CSMD3: variants seen among roughly 807,000 people sequenced by gnomAD.
The protein encoded by CSMD3 is CUB and sushi domain-containing protein 3.
Under a neutral mutation model 435.2 loss-of-function variants are expected in CSMD3, and 177 were observed. The ratio of observed to expected loss-of-function variants is 0.41; its 90% CI spans 0.36 to 0.46. The LOEUF is 0.46. CSMD3 is among the 20% of genes least tolerant of loss of function. The pLI, the probability that CSMD3 is intolerant of heterozygous loss-of-function variation, is 0.34. For synonymous variants in CSMD3, 1,656 were observed against 1,520.5 expected (o/e 1.09, Z -2.07); for missense variants, 4,265 against 4,504.6 (o/e 0.95, Z 1.52).
At chr8:113,069,649 G>A (rs928351718) in intron 5 of CSMD3, among the ~76,000 whole-genome samples, 1 of 152,050 alleles carries the variant, frequency 6.6e-6, no homozygotes, top group Non-Finnish European at 1.5e-5. Context: ...TTAGAAGAAA[G>A]ATTTCATGAG....
At chr8:113,322,418 G>C (rs1245981824) in intron 1 of CSMD3, among the ~76,000 whole-genome samples, 1 of 152,050 alleles carries the variant, frequency 6.6e-6, no homozygotes, top group Non-Finnish European at 1.5e-5. Flanking sequence ...TATAAAAAAA[G>C]ACACACTTTT....
At chr8:113,116,343 G>A (rs764245753) in intron 4 of CSMD3, among the ~76,000 whole-genome samples, 50 of 152,048 alleles carry the variant, frequency 3.3e-4, no homozygotes, top group Non-Finnish European at 7.4e-4. Context: ...TTATGCCTTC[G>A]CTCGATTCTC....
intron 5 of CSMD3, among the ~76,000 whole-genome samples, chr8:113,055,993 A>G: frequency 6.6e-6 from 1 of 152,230 alleles, no homozygotes; most frequent in Middle Eastern, 3.2e-3. Flanking sequence ...GGACACAGAA[A>G]GGACCCATGA....
chr8:112,510,909 G>C (rs1823054150), intron 28 of CSMD3, among the ~76,000 whole-genome samples: 1 of 152,166 alleles, frequency 6.6e-6, no homozygotes, highest in Non-Finnish European at 1.5e-5. Context: ...AAATAGTGAA[G>C]ATGACTGTAG....
intron 38 of CSMD3, among the ~76,000 whole-genome samples, chr8:112,359,455 AG>A (rs771319413): frequency 2.1e-4 from 32 of 152,280 alleles, no homozygotes; most frequent in Non-Finnish European, 3.8e-4. Context: ...CAGTGTCTTG[AG>A]GAGGCACTCA....
At chr8:112,460,837 C>T (rs149858125) in intron 32 of CSMD3, among the ~76,000 whole-genome samples, 142 of 152,114 alleles carry the variant, frequency 9.3e-4, no homozygotes, top group Non-Finnish European at 1.7e-3. Context: ...CAGCAAAAGC[C>T]GCTAGGTTGA....
Position 112,792,378 on chromosome 8 carries a change from T to C in CSMD3, c.1972+7784A>G, listed in dbSNP as rs538716578. ...TTCTGGCTTGCAGATGGTTCGTTTCTAGCTGTATCCACACATGGTGAAGAG... is the reference window on the plus strand; with the variant it reads ...TTCTGGCTTGCAGATGGTTCGTTTCCAGCTGTATCCACACATGGTGAAGAG... On this transcript the variant is annotated intron_variant, in intron 13 of 70. Coordinates refer to ENST00000297405, the MANE Select transcript of CSMD3 (RefSeq NM_198123.2). Among the ~76,000 whole-genome samples, 8 of 152,250 alleles carry C rather than the reference T, an allele frequency of 5.3e-5. No homozygotes were observed. In the East Asian group the frequency reaches 1.5e-3, roughly 29 times the overall value.
chr8:112,239,411 A>T (rs78376983), intron 66 of CSMD3, among the ~76,000 whole-genome samples: 4,495 of 151,918 alleles, frequency 0.03, 241 homozygotes, highest in African/African-American at 0.1. Context: ...TGGGCCTGAA[A>T]TTTTTCTCCC....
At chr8:112,791,783 T>A (rs2078699410) in intron 13 of CSMD3, among the ~76,000 whole-genome samples, 2 of 152,292 alleles carry the variant, frequency 1.3e-5, no homozygotes, top group East Asian at 1.9e-4. Flanking sequence ...GGTAGACATA[T>A]GTTTAAGAAA....
intron 28 of CSMD3, among the ~76,000 whole-genome samples, chr8:112,514,844 T>C (rs1369222643): frequency 6.6e-6 from 1 of 152,088 alleles, no homozygotes; most frequent in Non-Finnish European, 1.5e-5. Flanking sequence ...ATGAAGTTCT[T>C]TCTTATCAGT....
intron 59 of CSMD3, among the ~76,000 whole-genome samples, chr8:112,267,463 A>T (rs1336324814): frequency 6.6e-6 from 1 of 152,162 alleles, no homozygotes; most frequent in Non-Finnish European, 1.5e-5. Context: ...ACAATACGTC[A>T]TCTCTTTTTA....
chr8:112,660,548 G>T (rs1357215253), intron 17 of CSMD3, among the ~76,000 whole-genome samples: 1 of 151,870 alleles, frequency 6.6e-6, no homozygotes, highest in East Asian at 1.9e-4. Context: ...AGAACAAATG[G>T]AAGAAGATAT....
chr8:112,917,738 A>G (rs2082615933), intron 10 of CSMD3, among the ~76,000 whole-genome samples: 1 of 151,966 alleles, frequency 6.6e-6, no homozygotes, highest in Non-Finnish European at 1.5e-5. Context: ...AATAGTGACA[A>G]TGGGAATGGA....
chr8:112,593,309 G>A (rs1294844344), intron 22 of CSMD3, among the ~76,000 whole-genome samples: 4 of 152,144 alleles, frequency 2.6e-5, no homozygotes, highest in Admixed American at 6.5e-5. Flanking sequence ...GAAAACCCTA[G>A]AGAAGATTGT....
At chr8:112,535,134 C>T (rs1315596108) in intron 27 of CSMD3, among the ~76,000 whole-genome samples, 3 of 151,938 alleles carry the variant, frequency 2.0e-5, no homozygotes, top group East Asian at 1.9e-4. Context: ...CCTCTCTCAC[C>T]ACTCCTATTC....
chr8:112,474,764 A>G (rs532510041), intron 31 of CSMD3, among the ~76,000 whole-genome samples: 1 of 152,218 alleles, frequency 6.6e-6, no homozygotes, highest in Non-Finnish European at 1.5e-5. Context: ...AGAGCAATAC[A>G]GTATAGTTAA....
chr8:112,635,170 T>A (rs890721726), intron 22 of CSMD3, among the ~76,000 whole-genome samples: 3 of 152,028 alleles, frequency 2.0e-5, no homozygotes, highest in African/African-American at 7.2e-5. Flanking sequence ...AAACAATTAG[T>A]TAAAATAAAA....
chr8:113,064,305 C>T (rs1021844251), intron 5 of CSMD3, among the ~76,000 whole-genome samples: 1 of 151,832 alleles, frequency 6.6e-6, no homozygotes, highest in Non-Finnish European at 1.5e-5. Flanking sequence ...TTTATGAATA[C>T]AATTAGTAAG....
chr8:113,128,621 A>G (rs2091204505), intron 4 of CSMD3, among the ~76,000 whole-genome samples: 1 of 152,052 alleles, frequency 6.6e-6, no homozygotes, highest in Non-Finnish European at 1.5e-5. Context: ...AACACAAAAA[A>G]GAAGTTAATA....
Sources: gnomAD v4.1 joint callset for allele counts (sites outside exome capture counted in the v4.1 genomes callset) on GRCh38, gnomAD v4.1.1 for gene constraint, MANE v1.5 for transcripts, NCBI Gene and HGNC (gene_info 2026-07-23, HGNC 2026-07-21) for gene names.